ABAT: variants seen among roughly 807,000 people sequenced by gnomAD.
ABAT encodes the protein 4-aminobutyrate aminotransferase, mitochondrial.
Under a neutral mutation model 64.6 loss-of-function variants are expected in ABAT, and 45 were observed. The ratio of observed to expected loss-of-function variants is 0.70; its 90% confidence interval spans 0.55 to 0.89. The LOEUF (loss-of-function observed/expected upper bound fraction) is 0.89. Among genes scored for constraint, ABAT ranks in the 40% least tolerant of loss-of-function variants. The pLI is 0.00. For synonymous variants in ABAT, 297 were observed against 250.5 expected (o/e 1.19, Z -1.75); for missense variants, 633 against 658.4 (o/e 0.96, Z 0.42).
rs933692622 is a variant in ABAT, at chr16:8,750,547, C to G, written c.316+8C>G. The G allele has an allele frequency of 1.2e-5, 20 of 1,609,296 alleles. No individual in the cohort carries two copies. Among genetic ancestry groups the G allele is most frequent in the Non-Finnish European group, 1.6e-5 (19 of 1,175,684 alleles). On this transcript the variant is annotated splice_region_variant and intron_variant, in intron 5 of 15. Transcript: ENST00000268251. ...TCTCCTCTGTCCCCATAGGTAAGAG[C>G]TGGGAAATCATTCCTTGGATATAAC...
At chr16:8,735,065 G>T (rs1170742054) in intron 1 of ABAT, among the ~76,000 whole-genome samples, 6 of 145,662 alleles carry the variant, frequency 4.1e-5, no homozygotes, top group African/African-American at 1.6e-4. Flanking sequence ...AAATCACTGG[G>T]CATGGTAGCA....
chr16:8,681,546 T>G (rs766651705), intron 1 of ABAT, among the ~76,000 whole-genome samples: 1 of 151,006 alleles, frequency 6.6e-6, no homozygotes, highest in Non-Finnish European at 1.5e-5. Flanking sequence ...AACCTATGAA[T>G]AGGACCTAAT....
chr16:8,725,002 C>T (rs935961278), intron 1 of ABAT, among the ~76,000 whole-genome samples: 15 of 151,760 alleles, frequency 9.9e-5, no homozygotes, highest in South Asian at 2.1e-4. Flanking sequence ...CCGCAACCTC[C>T]GCCTCCCGGG....
chr16:8,690,602 C>T (rs542561197), intron 1 of ABAT, among the ~76,000 whole-genome samples: 1 of 152,270 alleles, frequency 6.6e-6, no homozygotes, highest in African/African-American at 2.4e-5. Flanking sequence ...CCAATCTGTG[C>T]CTTGAGCGGA....
intron 1 of ABAT, among the ~76,000 whole-genome samples, chr16:8,705,877 C>T (rs754398001): frequency 1.3e-5 from 2 of 152,196 alleles, no homozygotes; most frequent in Non-Finnish European, 2.9e-5. Context: ...GCCATTAGCC[C>T]ACATTTCTTG....
At chr16:8,741,637 C>T (rs1157764242) in intron 2 of ABAT, among the ~76,000 whole-genome samples, 2 of 152,212 alleles carry the variant, frequency 1.3e-5, no homozygotes, top group Non-Finnish European at 2.9e-5. Context: ...AGAAGGTTTA[C>T]TTGTCCCTTC....
At chr16:8,757,076 G>A in intron 5 of ABAT, 1 of 439,982 alleles carries the variant, frequency 2.3e-6, no homozygotes, top group East Asian at 7.2e-5. Context: ...GGGAAGGAAG[G>A]TGAGGATCCT....
At chr16:8,733,658 CGT>C (rs2058825520) in intron 1 of ABAT, among the ~76,000 whole-genome samples, 1 of 151,872 alleles carries the variant, frequency 6.6e-6, no homozygotes, top group Admixed American at 6.5e-5. Context: ...AGCGAAACCC[CGT>C]CTCCACCAAA....
chr16:8,726,441 T>TA (rs146080430), intron 1 of ABAT, among the ~76,000 whole-genome samples: 2,857 of 152,104 alleles, frequency 0.019, 36 homozygotes, highest in Middle Eastern at 0.054. Flanking sequence ...TTGTTTTTTG[T>TA]AGAGATGGGG....
intron 1 of ABAT, among the ~76,000 whole-genome samples, chr16:8,689,446 C>T (rs2057531112): frequency 6.6e-6 from 1 of 152,186 alleles, no homozygotes; most frequent in African/African-American, 2.4e-5. Flanking sequence ...TCAAGACTTA[C>T]TAACAATTTG....
At chr16:8,690,361 C>T (rs2057551962) in intron 1 of ABAT, among the ~76,000 whole-genome samples, 1 of 152,244 alleles carries the variant, frequency 6.6e-6, no homozygotes, top group Non-Finnish European at 1.5e-5. Context: ...CCCGTGGAGG[C>T]ATGATTCCTA....
intron 12 of ABAT, among the ~76,000 whole-genome samples, chr16:8,773,309 A>C (rs2142994771): frequency 6.6e-6 from 1 of 151,886 alleles, no homozygotes; most frequent in African/African-American, 2.4e-5. Flanking sequence ...ACGTCACCAT[A>C]CCCAACTAAT....
At chr16:8,710,574 A>C (rs1322733083) in intron 1 of ABAT, among the ~76,000 whole-genome samples, 1 of 151,938 alleles carries the variant, frequency 6.6e-6, no homozygotes, top group Non-Finnish European at 1.5e-5. Context: ...CCGTCTCTAC[A>C]AAAAAATAAA....
chr16:8,703,954 G>A (rs1470924723), intron 1 of ABAT, among the ~76,000 whole-genome samples: 1 of 152,210 alleles, frequency 6.6e-6, no homozygotes, highest in Non-Finnish European at 1.5e-5. Context: ...CATAGTTGTG[G>A]ATCCTTAGCC....
Position 8,772,782 on chromosome 16 carries a change from G to T in ABAT, c.819G>T (p.Val273=). The T allele has an allele frequency of 6.2e-7, 1 of 1,614,144 alleles. No individual in the cohort carries two copies. Among genetic ancestry groups the T allele is most frequent in the Non-Finnish European group, 8.5e-7 (1 of 1,180,024 alleles). Residue 273 remains valine, a splice_region_variant and synonymous_variant, in exon 12 of 16, where the codon GTG becomes GTT. Coordinates refer to ENST00000268251, the MANE Select transcript of ABAT (RefSeq NM_020686.6). ...TCACTTTCCCCTTTGGGATCCAGGT[G>T]GAGGATCTGATTGTGAAATATCGGA... is the stretch of plus-strand genomic sequence containing the variant. ...QQEEARCLEE[V]EDLIVKYRKK...
At chr16:8,725,168 G>A (rs747881034) in intron 1 of ABAT, among the ~76,000 whole-genome samples, 6 of 152,196 alleles carry the variant, frequency 3.9e-5, no homozygotes, top group South Asian at 2.1e-4. Flanking sequence ...TACCCGTCTC[G>A]GCCTCCCAAA....
Position 8,775,026 on chromosome 16 carries a change from T to A in ABAT, c.1091T>A (p.Phe364Tyr). The A allele has an allele frequency of 6.2e-7, 1 of 1,614,206 alleles. No homozygotes were observed. The highest frequency in any genetic ancestry group is 1.1e-5 in the South Asian group (1 of 91,078). Residue 364 changes from phenylalanine to tyrosine, a missense_variant, in exon 13 of 16, where the codon TTC becomes TAC. Coordinates refer to ENST00000268251, the MANE Select transcript of ABAT (RefSeq NM_020686.6). ...TFSKKMMTGG[F>Y]FHKEEFRPNA... is the part of the protein sequence containing the mutation. ...AGCAAGAAGATGATGACTGGGGGCT[T>A]CTTCCACAAGGAGGAGTTCAGGCCT...
chr16:8,687,654 G>A (rs1389214876), intron 1 of ABAT, among the ~76,000 whole-genome samples: 3 of 152,194 alleles, frequency 2.0e-5, no homozygotes, highest in Non-Finnish European at 4.4e-5. Context: ...GGTCCCACGC[G>A]GTGCATCCCC....
intron 3 of ABAT, 29 bp from the exon 4 acceptor site, chr16:8,748,079 T>A (rs771222592): frequency 3.7e-6 from 6 of 1,611,360 alleles, no homozygotes; most frequent in Middle Eastern, 3.3e-4. Context: ...GTGGACTTGC[T>A]ATAATGCTTT....
Sources: gnomAD v4.1 joint callset for allele counts (sites outside exome capture counted in the v4.1 genomes callset) on GRCh38, gnomAD v4.1.1 for gene constraint, MANE v1.5 for transcripts, NCBI Gene and HGNC (gene_info 2026-07-23, HGNC 2026-07-21) for gene names.